The following ERBB4 variants were observed in gnomAD, a reference collection of about 807,000 sequenced individuals.
The protein encoded by ERBB4 is receptor tyrosine-protein kinase erbB-4.
Under a neutral mutation model 158.0 loss-of-function variants are expected in ERBB4, and 42 were observed. That is an observed-to-expected ratio of 0.27 (90% CI 0.21 to 0.34). The LOEUF (loss-of-function observed/expected upper bound fraction) is 0.34, where lower values mean the gene tolerates loss of function less well. Among genes scored for constraint, ERBB4 ranks in the 10% least tolerant of loss-of-function variants. ERBB4 has a pLI of 1.00. For missense variants in ERBB4, 1,333 were observed against 1,624.1 expected, an observed-to-expected ratio of 0.82 and a Z score of 3.08; for synonymous variants, 583 against 558.7, an observed-to-expected ratio of 1.04 and a Z score of -0.61.
intron 1 of ERBB4, among the ~76,000 whole-genome samples, chr2:212,494,764 C>T (rs953755923): frequency 6.6e-6 from 1 of 152,014 alleles, no homozygotes; most frequent in African/African-American, 2.4e-5. Context: ...TTTATAATAG[C>T]AATAATGACT....
chr2:211,589,268 G>A (rs2068388766), intron 19 of ERBB4, among the ~76,000 whole-genome samples: 1 of 152,084 alleles, frequency 6.6e-6, no homozygotes, highest in Non-Finnish European at 1.5e-5. Context: ...TCAAGTAATT[G>A]ATGATCTCTT....
intron 19 of ERBB4, among the ~76,000 whole-genome samples, chr2:211,582,418 C>T (rs1053772857): frequency 1.3e-5 from 2 of 152,062 alleles, no homozygotes; most frequent in African/African-American, 2.4e-5. Context: ...ATTGGATGGC[C>T]GTGATCTAAG....
At chr2:211,545,727 G>C (rs1008000121) in intron 20 of ERBB4, among the ~76,000 whole-genome samples, 24 of 151,928 alleles carry the variant, frequency 1.6e-4, no homozygotes, top group African/African-American at 5.1e-4. Context: ...AGCGTTCCTA[G>C]TTCCAGTTCT....
At chr2:211,447,979 T>A (rs2064153764) in intron 20 of ERBB4, among the ~76,000 whole-genome samples, 1 of 152,046 alleles carries the variant, frequency 6.6e-6, no homozygotes, top group Non-Finnish European at 1.5e-5. Flanking sequence ...TATTATTATA[T>A]TATTATTTTT....
At position 211,382,026 on chromosome 2, in the gene ERBB4, A is replaced by T; in HGVS notation, c.*1589T>A. On this transcript the variant is annotated 3_prime_UTR_variant, in exon 28 of 28. Coordinates refer to ENST00000342788, the MANE Select transcript of ERBB4 (RefSeq NM_005235.3). ...ATGGTTCTAGTACTGGATGCAGTAT[A>T]TGAAGAAAGGGAATTATATAAAGTA... The T allele has an allele frequency of 4.4e-6, 1 of 229,390 alleles. No homozygotes were observed. Among genetic ancestry groups the T allele is most frequent in the Non-Finnish European group, 8.6e-6 (1 of 115,652 alleles). 14.2% of individuals were successfully genotyped at this position (229,390 alleles called of 1,614,324 possible).
chr2:211,781,273 CT>C (rs1393467287), intron 4 of ERBB4, among the ~76,000 whole-genome samples: 1 of 151,950 alleles, frequency 6.6e-6, no homozygotes, highest in African/African-American at 2.4e-5. Flanking sequence ...GTAAAAGTCA[CT>C]GAAAAAAAAG....
chr2:212,048,458 T>C (rs10445735), intron 2 of ERBB4, among the ~76,000 whole-genome samples: 22,437 of 152,170 alleles, frequency 0.15, 2,402 homozygotes, highest in African/African-American at 0.3. Context: ...ATTTGGGTTA[T>C]GCTTTGGAAG....
At chr2:212,445,733 G>A (rs190587218) in intron 1 of ERBB4, among the ~76,000 whole-genome samples, 8 of 152,260 alleles carry the variant, frequency 5.3e-5, no homozygotes, top group South Asian at 2.1e-4. Context: ...TCCAGACCCC[G>A]CAGGAATGAA....
chr2:212,414,522 A>G (rs2091595082), intron 1 of ERBB4, among the ~76,000 whole-genome samples: 1 of 152,016 alleles, frequency 6.6e-6, no homozygotes, highest in Admixed American at 6.6e-5. Flanking sequence ...CTAAAATCTC[A>G]GGGCTTTTCT....
chr2:211,454,427 A>G (rs1250841107), intron 20 of ERBB4, among the ~76,000 whole-genome samples: 3 of 152,178 alleles, frequency 2.0e-5, no homozygotes, highest in Non-Finnish European at 4.4e-5. Flanking sequence ...GTATTCTCTG[A>G]CTCTATGCTT....
At chr2:211,444,945 A>G (rs1375455474) in intron 20 of ERBB4, among the ~76,000 whole-genome samples, 1 of 152,122 alleles carries the variant, frequency 6.6e-6, no homozygotes, top group African/African-American at 2.4e-5. Flanking sequence ...TATTGAATGA[A>G]AATTAAATAT....
Position 211,913,619 on chromosome 2 carries a change from ATGTGTGTGTGTG to A in ERBB4, c.421+33799_421+33810del, listed in dbSNP as rs34762084. Among the ~76,000 whole-genome samples the A allele has an allele frequency of 8.1e-4, 108 of 132,822 alleles. 2 individuals carry two copies. The highest frequency in any genetic ancestry group is 2.4e-3 in the African/African-American group (85 of 34,780). The allele number at this position is 132,822 out of a possible 152,430, so 87.1% of individuals were successfully genotyped here. A position where few individuals can be genotyped will look rare whatever the true frequency, so the allele number is the denominator to read the frequency against. On this transcript the variant is annotated intron_variant, in intron 3 of 27. Coordinates refer to ENST00000342788, the MANE Select transcript of ERBB4 (RefSeq NM_005235.3). Reference sequence around the variant, plus strand: ...CTATTTCAAAAAAATATATATATATATGTGTGTGTGTGTGTGTGTGTGTGTGTGTGTGTGTGT... The same window carrying A: ...CTATTTCAAAAAAATATATATATATATGTGTGTGTGTGTGTGTGTGTGTGT...
chr2:211,728,852 T>C (rs2074351349), intron 5 of ERBB4, among the ~76,000 whole-genome samples: 1 of 151,876 alleles, frequency 6.6e-6, no homozygotes, highest in Admixed American at 6.6e-5. Flanking sequence ...CTGTATTTAC[T>C]TTGGTTTTTC....
intron 20 of ERBB4, among the ~76,000 whole-genome samples, chr2:211,533,801 G>A (rs2066570393): frequency 6.6e-6 from 1 of 151,936 alleles, no homozygotes; most frequent in Non-Finnish European, 1.5e-5. Flanking sequence ...ATTCATATAT[G>A]ACAAAATAAC....
intron 3 of ERBB4, among the ~76,000 whole-genome samples, chr2:211,889,786 A>C (rs1342707659): frequency 1.3e-5 from 2 of 152,066 alleles, no homozygotes; most frequent in Non-Finnish European, 2.9e-5. Context: ...CGATGCGATC[A>C]ACTGGAAGAA....
chr2:211,722,370 G>C, intron 7 of ERBB4, 23 bp downstream of exon 7: 1 of 1,589,836 alleles, frequency 6.3e-7, no homozygotes, highest in African/African-American at 1.3e-5. Flanking sequence ...AATTAATTTG[G>C]TTATTCTTAT....
chr2:212,100,806 A>G (rs2371438), intron 2 of ERBB4, among the ~76,000 whole-genome samples: 11,425 of 152,200 alleles, frequency 0.075, 555 homozygotes, highest in South Asian at 0.25. Context: ...GATCAAATAC[A>G]AACAATTTTG....
chr2:212,391,621 C>A (rs2090858863), intron 1 of ERBB4, among the ~76,000 whole-genome samples: 1 of 139,670 alleles, frequency 7.2e-6, no homozygotes. Flanking sequence ...TATTATATGT[C>A]AATATATTAT....
At chr2:211,813,320 T>C (rs1306996558) in intron 3 of ERBB4, among the ~76,000 whole-genome samples, 2 of 152,330 alleles carry the variant, frequency 1.3e-5, no homozygotes, top group East Asian at 3.9e-4. Context: ...CTGCCAAGTG[T>C]TATAATAGCA....
Sources: gnomAD v4.1 joint callset for allele counts (sites outside exome capture counted in the v4.1 genomes callset) on GRCh38, gnomAD v4.1.1 for gene constraint, MANE v1.5 for transcripts, NCBI Gene and HGNC (gene_info 2026-07-23, HGNC 2026-07-21) for gene names.